SLC4A10: variants seen among roughly 807,000 people sequenced by gnomAD.
SLC4A10 encodes the protein solute carrier family 4 member 10, also known as sodium-driven chloride bicarbonate exchanger.
A neutral mutation model predicts 137.7 loss-of-function variants in SLC4A10; 42 were observed. The observed-to-expected ratio is 0.30, with a 90% CI of 0.24 to 0.39. The LOEUF (loss-of-function observed/expected upper bound fraction) is 0.39. Ranked by LOEUF, SLC4A10 falls within the 10% of genes least tolerant of loss-of-function variation. The pLI, the probability that SLC4A10 is intolerant of heterozygous loss-of-function variation, is 1.00. For missense variants in SLC4A10, 925 were observed against 1,355.0 expected, an observed-to-expected ratio of 0.68 and a Z score of 4.98; for synonymous variants, 474 against 464.1, an observed-to-expected ratio of 1.02 and a Z score of -0.27.
chr2:161,882,381 C>G lies in SLC4A10; in HGVS notation c.1131C>G (p.Pro377=). The G allele has an allele frequency of 6.3e-7, 1 of 1,587,810 alleles. No homozygotes were observed. Among genetic ancestry groups the G allele is most frequent in the South Asian group, 1.2e-5 (1 of 85,726 alleles). The part of the protein sequence containing the change: ...PTRFLFILLG[P]LGKGQQYHEI... ...GATTTTTGTTCATTCTTCTGGGACC[C>G]CTGGGAAAGGGTCAACAGTACCATG... is the stretch of plus-strand genomic sequence containing the variant. Residue 377 remains proline, a synonymous_variant, in exon 10 of 27, where the codon CCC becomes CCG. Transcript: ENST00000446997.
intron 5 of SLC4A10, among the ~76,000 whole-genome samples, chr2:161,859,331 G>A (rs891903469): frequency 1.6e-4 from 21 of 133,880 alleles, no homozygotes; most frequent in South Asian, 2.4e-4. Flanking sequence ...TCGCTCTGTC[G>A]CCAGGCTGGA....
intron 1 of SLC4A10, among the ~76,000 whole-genome samples, chr2:161,685,423 T>C (rs2041281296): frequency 6.6e-6 from 1 of 152,080 alleles, no homozygotes; most frequent in Admixed American, 6.5e-5. Context: ...CTGGCCAACA[T>C]GGCAAAACCC....
chr2:161,736,942 C>A (rs1471535224), intron 1 of SLC4A10, among the ~76,000 whole-genome samples: 1 of 152,090 alleles, frequency 6.6e-6, no homozygotes, highest in East Asian at 1.9e-4. Flanking sequence ...TTCACTACAG[C>A]CTTGACCTCA....
At chr2:161,912,933 T>TG (rs5835887) in intron 15 of SLC4A10, among the ~76,000 whole-genome samples, 151,600 of 152,192 alleles carry the variant, frequency 1, 75,506 homozygotes, top group East Asian at 1. Context: ...CAGCTATTTT[T>TG]GTGCCTGATG....
intron 1 of SLC4A10, among the ~76,000 whole-genome samples, chr2:161,649,892 A>C (rs2036553404): frequency 1.3e-5 from 2 of 152,148 alleles, no homozygotes. Context: ...TTTTGGAATA[A>C]ATTCAAGTTT....
intron 1 of SLC4A10, among the ~76,000 whole-genome samples, chr2:161,701,009 C>T (rs1360627664): frequency 6.6e-6 from 1 of 152,062 alleles, no homozygotes; most frequent in Non-Finnish European, 1.5e-5. Context: ...AGCAATGACT[C>T]TATGACACGC....
Position 161,882,357 on chromosome 2 carries a change from A to AT in SLC4A10, c.1112dup (p.Leu371PhefsTer16). ...ACATTTTTTTTCTTCTTAATTACAG[A>AT]TTTTTGTTCATTCTTCTGGGACCCC... On this transcript the variant is annotated frameshift_variant and splice_region_variant, in exon 10 of 27. Transcript: ENST00000446997. LOFTEE classifies it high-confidence loss of function. The AT allele has an allele frequency of 6.4e-7, 1 of 1,554,072 alleles. No individual in the cohort carries two copies. The highest frequency in any genetic ancestry group is 2.3e-5 in the East Asian group (1 of 43,034).
In SLC4A10 at chr2:161,868,048, G is replaced by A. The variant is rs1014048977; in HGVS notation, c.767-4245G>A. ...GTGATTTACAGTGGATTAAGCAGTA[G>A]AAAATAATGATACATTTATGCAATA... On this transcript the variant is annotated intron_variant, in intron 6 of 26. Transcript: ENST00000446997. 2.6e-5 allele frequency among the ~76,000 whole-genome samples: 4 copies of A among 151,962 alleles called. No individual in the cohort carries two copies. The South Asian group carries it at 8.3e-4, about 32-fold the overall frequency.
Position 161,938,880 on chromosome 2 carries a change from C to T in SLC4A10, c.1998-3912C>T, listed in dbSNP as rs966805156. Reference sequence around the variant, plus strand: ...TACATATCCTAGGGAAAAAAAACCCCACAAATAGTACAGGAAGATTATAAT... The same window carrying T: ...TACATATCCTAGGGAAAAAAAACCCTACAAATAGTACAGGAAGATTATAAT... On this transcript the variant is annotated intron_variant, in intron 15 of 26. Coordinates refer to ENST00000446997, the MANE Select transcript of SLC4A10 (RefSeq NM_001178015.2). Among the ~76,000 whole-genome samples the T allele has an allele frequency of 9.9e-5, 15 of 151,824 alleles. No homozygotes were observed. In the South Asian group the frequency reaches 2.3e-3, roughly 23 times the overall value.
intron 10 of SLC4A10, among the ~76,000 whole-genome samples, chr2:161,887,662 TC>T (rs1341370769): frequency 5.3e-5 from 8 of 152,230 alleles, no homozygotes; most frequent in Admixed American, 3.3e-4. Flanking sequence ...GTTGTTTTTT[TC>T]TTGTAAATTT....
chr2:161,674,016 A>AC (rs55776705), intron 1 of SLC4A10, among the ~76,000 whole-genome samples: 140,568 of 152,218 alleles, frequency 0.92, 64,947 homozygotes, highest in East Asian at 1. Flanking sequence ...AAGTTCATTA[A>AC]AAATATATTT....
intron 9 of SLC4A10, among the ~76,000 whole-genome samples, chr2:161,880,018 G>A (rs1179781473): frequency 1.3e-5 from 2 of 151,966 alleles, no homozygotes; most frequent in Admixed American, 1.3e-4. Flanking sequence ...AAAAAGAAAG[G>A]AAACACAGAA....
intron 2 of SLC4A10, among the ~76,000 whole-genome samples, chr2:161,803,295 A>G (rs1255857492): frequency 6.6e-6 from 1 of 152,014 alleles, no homozygotes; most frequent in African/African-American, 2.4e-5. Flanking sequence ...GCTGCACACA[A>G]TTTCTTCTCT....
At chr2:161,624,712 TG>T in intron 1 of SLC4A10, 146 bp downstream of exon 1, 1 of 1,092,664 alleles carries the variant, frequency 9.2e-7, no homozygotes. Flanking sequence ...CCTCCCATCT[TG>T]GGAGACTGAA....
chr2:161,869,810 T>C (rs2060995265), intron 6 of SLC4A10, among the ~76,000 whole-genome samples: 1 of 151,638 alleles, frequency 6.6e-6, no homozygotes, highest in African/African-American at 2.4e-5. Flanking sequence ...TATTAACGCC[T>C]ATCATTTAAC....
chr2:161,816,226 G>A (rs1033049462), intron 3 of SLC4A10, among the ~76,000 whole-genome samples: 3 of 152,100 alleles, frequency 2.0e-5, no homozygotes, highest in Non-Finnish European at 4.4e-5. Flanking sequence ...GTTATTTTAC[G>A]TGGAAGCATT....
At chr2:161,732,804 C>T (rs1480530476) in intron 1 of SLC4A10, among the ~76,000 whole-genome samples, 4 of 152,090 alleles carry the variant, frequency 2.6e-5, no homozygotes, top group African/African-American at 9.7e-5. Flanking sequence ...ACAATAAGGT[C>T]CAGGCTGAGG....
chr2:161,837,275 T>A (rs1389439360), intron 3 of SLC4A10, among the ~76,000 whole-genome samples: 1 of 152,028 alleles, frequency 6.6e-6, no homozygotes, highest in Non-Finnish European at 1.5e-5. Context: ...CAAGGTCACA[T>A]GAAAATAAAT....
At chr2:161,969,534 C>CA (rs1157591540) in intron 23 of SLC4A10, among the ~76,000 whole-genome samples, 3 of 152,110 alleles carry the variant, frequency 2.0e-5, no homozygotes, top group Non-Finnish European at 4.4e-5. Flanking sequence ...ACACATTTGA[C>CA]AAAAGGCTAC....
Sources: allele counts gnomAD v4.1 joint callset (sites outside exome capture counted in the v4.1 genomes callset), GRCh38; gene constraint gnomAD v4.1.1; transcripts MANE v1.5; gene names NCBI Gene and HGNC (gene_info 2026-07-23, HGNC 2026-07-21).